ADGB: variants seen among roughly 807,000 people sequenced by gnomAD.
ADGB encodes calpain-7-like protein.
ADGB carries 172 observed loss-of-function variants against 210.5 expected under a neutral mutation model. The observed-to-expected ratio is 0.82, with a 90% confidence interval of 0.72 to 0.93. The LOEUF (loss-of-function observed/expected upper bound fraction) is 0.93. ADGB is among the 40% of genes least tolerant of loss of function. ADGB has a pLI of 0.00. For missense variants in ADGB, 2,025 were observed against 1,964.8 expected, an observed-to-expected ratio of 1.03 and a Z score of -0.58; for synonymous variants, 658 against 662.7, an observed-to-expected ratio of 0.99 and a Z score of 0.11.
chr6:146,602,320 T>C (rs1053989305), intron 1 of ADGB, among the ~76,000 whole-genome samples: 9 of 152,210 alleles, frequency 5.9e-5, no homozygotes, highest in African/African-American at 2.2e-4. Context: ...CCTCCAGTTC[T>C]AAACTTCCAT....
At chr6:146,750,093 T>C (rs1777298742) in intron 26 of ADGB, among the ~76,000 whole-genome samples, 1 of 152,134 alleles carries the variant, frequency 6.6e-6, no homozygotes, top group Admixed American at 6.6e-5. Flanking sequence ...TCCACTCTTC[T>C]CAGGTGCTGA....
At position 146,644,753 on chromosome 6, in the gene ADGB, C is replaced by T. The variant is rs757744926; in HGVS notation, c.238-20C>T. On this transcript the variant is annotated intron_variant, in intron 2 of 35. Coordinates refer to ENST00000397944, the MANE Select transcript of ADGB (RefSeq NM_024694.4). ...TTAATAAAAGAATATGCAGAAAAAA[C>T]TCAATTTATTTTTATATAGCATTTT... 2 of 1,335,332 alleles carry T rather than the reference C, an allele frequency of 1.5e-6. No homozygotes were observed. Among genetic ancestry groups the T allele is most frequent in the African/African-American group, 1.5e-5 (1 of 66,300 alleles). 82.7% of individuals were successfully genotyped at this position (1,335,332 alleles called of 1,614,324 possible). A position where few individuals can be genotyped will look rare whatever the true frequency, so the allele number is the denominator to read the frequency against.
At chr6:146,618,071 T>G (rs1436566801) in intron 1 of ADGB, among the ~76,000 whole-genome samples, 1 of 152,106 alleles carries the variant, frequency 6.6e-6, no homozygotes, top group Non-Finnish European at 1.5e-5. Flanking sequence ...AGGAAAATGT[T>G]ATTTAGAAAA....
chr6:146,716,395 T>G (rs1776734508), intron 14 of ADGB, among the ~76,000 whole-genome samples: 1 of 143,998 alleles, frequency 6.9e-6, no homozygotes, highest in African/African-American at 2.9e-5. Flanking sequence ...ATCGAGACCA[T>G]CCTGGCTAAC....
At chr6:146,759,091 C>G (rs1464319558) in intron 27 of ADGB, among the ~76,000 whole-genome samples, 2 of 151,634 alleles carry the variant, frequency 1.3e-5, no homozygotes, top group Non-Finnish European at 2.9e-5. Context: ...TCTGGAGTAC[C>G]CCCACATAAA....
intron 1 of ADGB, among the ~76,000 whole-genome samples, chr6:146,605,326 A>T (rs186271134): frequency 2.1e-3 from 325 of 152,202 alleles, no homozygotes; most frequent in African/African-American, 7.0e-3. Flanking sequence ...CAGATCTGTA[A>T]GGTGATTGTG....
rs1562309576 is a variant in ADGB at position 146,815,118 on chromosome 6, G to A, written c.4905G>A (p.Leu1635=). 6.5e-7 allele frequency: 1 copy of A among 1,548,492 alleles called. No homozygotes were observed. Among genetic ancestry groups the A allele is most frequent in the Non-Finnish European group, 8.7e-7 (1 of 1,146,218 alleles). ...TGCTGGAAGCTGAGCACCTAAAGCTGGAAACTCTGGCTGCTCAGGAAGCAG... is the reference window on the plus strand; with the variant it reads ...TGCTGGAAGCTGAGCACCTAAAGCTAGAAACTCTGGCTGCTCAGGAAGCAG... ...NKLLEAEHLK[L]ETLAAQEAAM... The change falls in exon 36 of 36, where the codon CTG becomes CTA. Residue 1635 remains leucine (L), a synonymous_variant. Coordinates refer to ENST00000397944, the MANE Select transcript of ADGB (RefSeq NM_024694.4).
At chr6:146,717,166 T>A in intron 15 of ADGB, 97 bp downstream of exon 15, 1 of 1,031,856 alleles carries the variant, frequency 9.7e-7, no homozygotes, top group Non-Finnish European at 1.4e-6. Context: ...TTTTTGCATA[T>A]TTAATATAGT....
chr6:146,705,914 T>C (rs1021949191), intron 13 of ADGB, among the ~76,000 whole-genome samples: 2 of 152,102 alleles, frequency 1.3e-5, no homozygotes, highest in African/African-American at 2.4e-5. Flanking sequence ...TCCTGGACTT[T>C]TCTTTGATAG....
chr6:146,781,713 T>C (rs1358574623), intron 29 of ADGB, among the ~76,000 whole-genome samples: 1 of 152,154 alleles, frequency 6.6e-6, no homozygotes, highest in Non-Finnish European at 1.5e-5. Context: ...AACACAATTA[T>C]GCAATAAATG....
At chr6:146,764,874 A>G (rs1046323715) in intron 28 of ADGB, among the ~76,000 whole-genome samples, 12 of 152,108 alleles carry the variant, frequency 7.9e-5, no homozygotes, top group Non-Finnish European at 1.8e-4. Context: ...ATCTCGGCTC[A>G]CTGCAACCTC....
chr6:146,796,105 C>T (rs987479809), intron 33 of ADGB, among the ~76,000 whole-genome samples: 1 of 151,514 alleles, frequency 6.6e-6, no homozygotes, highest in Non-Finnish European at 1.5e-5. Context: ...ATAATAGCTG[C>T]AAAGAAAAAA....
intron 2 of ADGB, among the ~76,000 whole-genome samples, chr6:146,643,385 T>A (rs1458908684): frequency 1.3e-5 from 2 of 151,934 alleles, no homozygotes; most frequent in Admixed American, 6.6e-5. Context: ...CCTGTCCTTA[T>A]TAACTCAGGT....
intron 13 of ADGB, among the ~76,000 whole-genome samples, chr6:146,713,585 G>A (rs1441960600): frequency 6.6e-6 from 1 of 152,006 alleles, no homozygotes; most frequent in African/African-American, 2.4e-5. Flanking sequence ...TAATTGCATT[G>A]TTTGGGTTAT....
chr6:146,682,024 C>T (rs1333563521), intron 9 of ADGB, among the ~76,000 whole-genome samples: 1 of 151,884 alleles, frequency 6.6e-6, no homozygotes. Flanking sequence ...TATGAAATAC[C>T]TAGGCCTTAG....
chr6:146,714,776 T>C (rs183827511), intron 13 of ADGB, among the ~76,000 whole-genome samples: 27 of 152,330 alleles, frequency 1.8e-4, no homozygotes, highest in African/African-American at 6.3e-4. Flanking sequence ...ATCTCTACTC[T>C]GCTATCTCTT....
intron 18 of ADGB, chr6:146,725,519 T>C (rs1158401422): frequency 1.3e-5 from 2 of 152,274 alleles, no homozygotes; most frequent in African/African-American, 4.8e-5. Context: ...GTGGAACAGT[T>C]TCATCCTGAA....
intron 29 of ADGB, among the ~76,000 whole-genome samples, chr6:146,776,382 T>C (rs970107562): frequency 6.6e-6 from 1 of 152,090 alleles, no homozygotes; most frequent in Non-Finnish European, 1.5e-5. Flanking sequence ...TATTATTAGT[T>C]CAACATTATA....
At chr6:146,673,332 G>C (rs758267645) in intron 8 of ADGB, among the ~76,000 whole-genome samples, 1 of 152,144 alleles carries the variant, frequency 6.6e-6, no homozygotes, top group Non-Finnish European at 1.5e-5. Flanking sequence ...ATGACTGTGA[G>C]TCATGACTGG....
Sources: gnomAD v4.1 joint callset for allele counts (sites outside exome capture counted in the v4.1 genomes callset) on GRCh38, gnomAD v4.1.1 for gene constraint, MANE v1.5 for transcripts, NCBI Gene and HGNC (gene_info 2026-07-23, HGNC 2026-07-21) for gene names.